SENP6: variants seen among roughly 807,000 people sequenced by gnomAD.
SENP6 encodes sentrin-specific protease 6.
A neutral mutation model predicts 134.5 loss-of-function variants in SENP6; 41 were observed. The ratio of observed to expected loss-of-function variants is 0.30; its 90% CI spans 0.24 to 0.40. The LOEUF is 0.40. Among genes scored for constraint, SENP6 ranks in the 10% least tolerant of loss-of-function variants. SENP6 has a pLI of 1.00. For synonymous variants in SENP6, 395 were observed against 429.8 expected, an observed-to-expected ratio of 0.92 and a Z score of 1.00; for missense variants, 1,248 against 1,312.5, an observed-to-expected ratio of 0.95 and a Z score of 0.76.
At chr6:75,675,321 G>A in intron 11 of SENP6, 114 bp from the exon 12 acceptor site, 6 of 610,208 alleles carry the variant, frequency 9.8e-6, no homozygotes, top group Non-Finnish European at 1.7e-5. Context: ...CTTCTCTGTG[G>A]GATTTTAAGA....
intron 13 of SENP6, 122 bp downstream of exon 13, chr6:75,676,176 C>A: frequency 3.7e-6 from 2 of 533,512 alleles, no homozygotes; most frequent in Non-Finnish European, 6.1e-6. Context: ...CTACAATTGT[C>A]ACAGCCACCT....
chr6:75,691,902 G>T lies in SENP6; in HGVS notation c.2076-3902G>T, dbSNP rs558524643. On this transcript the variant is annotated intron_variant, in intron 16 of 23. Coordinates refer to ENST00000447266, the MANE Select transcript of SENP6 (RefSeq NM_015571.4). ...ATGGAGTTTCACTCTCGTTGTCCAG[G>T]CTGGAGTGCAATGGCACAATCTCGG... Among the ~76,000 whole-genome samples, 156 of 151,800 alleles carry T rather than the reference G, an allele frequency of 1.0e-3. 2 individuals are homozygous for T. The highest frequency in any genetic ancestry group is 1.7e-3 in the South Asian group (8 of 4,794).
At chr6:75,667,195 G>A in intron 10 of SENP6, among the ~76,000 whole-genome samples, 1 of 152,102 alleles carries the variant, frequency 6.6e-6, no homozygotes, top group East Asian at 1.9e-4. Context: ...ATGTCAGTAT[G>A]TACAAAAATT....
intron 3 of SENP6, among the ~76,000 whole-genome samples, chr6:75,628,892 G>A (rs897540683): frequency 3.3e-5 from 5 of 151,968 alleles, no homozygotes; most frequent in African/African-American, 4.8e-5. Context: ...ACTAATTTTT[G>A]TATTTTTAGT....
intron 1 of SENP6, among the ~76,000 whole-genome samples, chr6:75,617,010 G>A (rs1034648402): frequency 6.6e-6 from 1 of 151,784 alleles, no homozygotes; most frequent in Admixed American, 6.6e-5. Context: ...TGAGTAGCTG[G>A]TACTACAGGC....
chr6:75,670,644 C>G lies in SENP6; in HGVS notation c.1316C>G (p.Ser439Cys). Residue 439 changes from serine to cysteine, a missense_variant, in exon 11 of 24, where the codon TCC becomes TGC. Physicochemically the swap from Ser to Cys is moderately radical, Grantham distance 112. Transcript: ENST00000447266. ...GCTTTAGCTTTAAGCTGCCAAAGTT[C>G]CTTTGACAGTGTCATTTTAAACTGT... ...PDALALSCQS[S>C]FDSVILNCRS... 6.2e-7 allele frequency: 1 copy of G among 1,612,898 alleles called. No homozygotes were observed.
chr6:75,625,112 C>CTTTTTT lies in SENP6; in HGVS notation c.207+1166_207+1171dup, dbSNP rs34953351. 9.8e-5 allele frequency among the ~76,000 whole-genome samples: 11 copies of CTTTTTT among 112,174 alleles called. 1 individual carries two copies. Among genetic ancestry groups the CTTTTTT allele is most frequent in the African/African-American group, 1.7e-4 (5 of 29,056 alleles). The allele number at this position is 112,174 out of a possible 152,430, so 73.6% of individuals were successfully genotyped here. ...TAATATATATACGTGTGTGTGTGTC[C>CTTTTTT]TTTTTTTTTTTTTTTTTTTCAGACG... On this transcript the variant is annotated intron_variant, in intron 3 of 23. Coordinates refer to ENST00000447266, the MANE Select transcript of SENP6 (RefSeq NM_015571.4).
At chr6:75,652,787 C>T (rs1771000506) in intron 7 of SENP6, among the ~76,000 whole-genome samples, 1 of 150,752 alleles carries the variant, frequency 6.6e-6, no homozygotes, top group Non-Finnish European at 1.5e-5. Flanking sequence ...TCCTGCTTTT[C>T]AGCAACATTA....
intron 7 of SENP6, among the ~76,000 whole-genome samples, chr6:75,655,967 C>T (rs1483003058): frequency 6.6e-6 from 1 of 151,910 alleles, no homozygotes; most frequent in Non-Finnish European, 1.5e-5. Flanking sequence ...GCCTGTAATC[C>T]CAGCACTTAG....
rs146551731 is a variant in SENP6, at chr6:75,637,413, A to G, written c.458+2602A>G. Among the ~76,000 whole-genome samples the G allele has an allele frequency of 3.9e-5, 6 of 152,308 alleles. No homozygotes were observed. The East Asian group carries it at 1.2e-3, about 29-fold the overall frequency. On this transcript the variant is annotated intron_variant, in intron 5 of 23. Coordinates refer to ENST00000447266, the MANE Select transcript of SENP6 (RefSeq NM_015571.4). ...TAGATTAGGTAGTCTTTGGGTCATA[A>G]TTAAGATTCCAATCTATTTTCTTAA...
intron 18 of SENP6, 65 bp downstream of exon 18, chr6:75,697,582 A>G: frequency 3.7e-6 from 4 of 1,080,636 alleles, no homozygotes; most frequent in Non-Finnish European, 5.7e-6. Context: ...TTTTTAAATA[A>G]TGAGTATGAG....
Position 75,602,510 on chromosome 6 carries a change from C to T in SENP6, c.-15C>T, listed in dbSNP as rs1351911132. 1.9e-6 allele frequency: 3 copies of T among 1,551,120 alleles called. No individual in the cohort carries two copies. Among genetic ancestry groups the T allele is most frequent in the South Asian group, 2.4e-5 (2 of 84,060 alleles). On this transcript the variant is annotated 5_prime_UTR_variant, in exon 1 of 24. Coordinates refer to ENST00000447266, the MANE Select transcript of SENP6 (RefSeq NM_015571.4). Reference sequence around the variant, plus strand: ...GGGCCATGGATTAAGAAGGAGGCGGCGTGGGAGGAGGAAGATGGCGGCCGG... The same window carrying T: ...GGGCCATGGATTAAGAAGGAGGCGGTGTGGGAGGAGGAAGATGGCGGCCGG...
At chr6:75,637,941 G>A (rs1769653417) in intron 5 of SENP6, among the ~76,000 whole-genome samples, 1 of 152,016 alleles carries the variant, frequency 6.6e-6, no homozygotes, top group East Asian at 1.9e-4. Context: ...ACTCACTGCA[G>A]CCTCCACCTC....
At chr6:75,671,085 T>C (rs1456357256) in intron 11 of SENP6, among the ~76,000 whole-genome samples, 1 of 152,152 alleles carries the variant, frequency 6.6e-6, no homozygotes, top group Admixed American at 6.5e-5. Context: ...TGCTGGAAAA[T>C]GTATTATAGC....
At position 75,640,685 on chromosome 6, in the gene SENP6, A is replaced by G. The variant is rs746590048; in HGVS notation, c.460A>G (p.Ser154Gly). 4 of 1,530,654 alleles carry G rather than the reference A, an allele frequency of 2.6e-6. No individual in the cohort carries two copies. In the African/African-American group the frequency reaches 5.5e-5, roughly 21 times the overall value. The allele number at this position is 1,530,654 out of a possible 1,614,324, so 94.8% of individuals were successfully genotyped here. A position where few individuals can be genotyped will look rare whatever the true frequency, so the allele number is the denominator to read the frequency against. ...TTTTTTTCTTTTTCATGTTTTAAGC[A>G]GTCTGGACCGAAAAGAAAGGTAAGC... The part of the protein sequence containing the change: ...IPVVKTAAQS[S>G]LDRKERKEYP... The change falls in exon 6 of 24, where the codon AGT becomes GGT. Residue 154 changes from serine (S) to glycine (G), a missense_variant and splice_region_variant. Transcript: ENST00000447266.
chr6:75,647,858 A>G, intron 7 of SENP6, 57 bp downstream of exon 7: 4 of 1,309,256 alleles, frequency 3.1e-6, no homozygotes, highest in South Asian at 2.5e-5. Context: ...TATGAAAAGT[A>G]CAATGGAGAT....
intron 1 of SENP6, among the ~76,000 whole-genome samples, chr6:75,606,361 C>A (rs918733734): frequency 6.6e-6 from 1 of 152,116 alleles, no homozygotes; most frequent in Non-Finnish European, 1.5e-5. Flanking sequence ...CTTCTCTTCA[C>A]TAACTGTTGC....
chr6:75,676,240 A>G (rs984320638), intron 13 of SENP6, among the ~76,000 whole-genome samples, 186 bp downstream of exon 13: 4 of 152,168 alleles, frequency 2.6e-5, no homozygotes, highest in Admixed American at 1.3e-4. Context: ...ACTCACAGAA[A>G]GTGGAAGGGC....
intron 9 of SENP6, among the ~76,000 whole-genome samples, chr6:75,666,270 ATATAT>A (rs1401573206): frequency 9.5e-5 from 14 of 147,486 alleles, no homozygotes; most frequent in African/African-American, 3.4e-4. Context: ...TATATAAAAT[ATATAT>A]TATATATATA....
Sources: gnomAD v4.1 joint callset for allele counts (sites outside exome capture counted in the v4.1 genomes callset) on GRCh38, gnomAD v4.1.1 for gene constraint, MANE v1.5 for transcripts, NCBI Gene and HGNC (gene_info 2026-07-23, HGNC 2026-07-21) for gene names.